MACF1: variants seen among roughly 807,000 people sequenced by gnomAD.
The protein encoded by MACF1 is microtubule actin crosslinking factor 1, also known as microtubule-actin cross-linking factor 1.
Under a neutral mutation model 854.8 loss-of-function variants are expected in MACF1, and 193 were observed. The ratio of observed to expected loss-of-function variants is 0.23; its 90% CI spans 0.20 to 0.25. The LOEUF is 0.25. Among genes scored for constraint, MACF1 ranks in the 10% least tolerant of loss-of-function variants. MACF1 has a pLI of 1.00. For missense variants in MACF1, 7,722 were observed against 8,929.1 expected (o/e 0.86, Z 5.45); for synonymous variants, 3,185 against 3,226.7 (o/e 0.99, Z 0.44).
chr1:39,233,775 C>CTTTTT (rs11286953), intron 2 of MACF1, among the ~76,000 whole-genome samples: 459 of 36,518 alleles, frequency 0.013, 18 homozygotes, highest in African/African-American at 0.028. Flanking sequence ...CTAGCCATAG[C>CTTTTT]TTTTTTTTTT....
At chr1:39,102,213 A>G (rs373836482) in intron 2 of MACF1, among the ~76,000 whole-genome samples, 6 of 114,828 alleles carry the variant, frequency 5.2e-5, no homozygotes, top group Non-Finnish European at 7.6e-5. Context: ...GAGAGAGAGA[A>G]AGAGAGAGAG....
chr1:39,387,743 C>T lies in MACF1; in HGVS notation c.14901C>T (p.Asp4967=), dbSNP rs1244190614. ...SLLEILNSAA[D]ILINSSEADE... ...TGGAAATATTGAATAGTGCTGCTGA[C>T]ATTCTGATCAATTCTTCAGAAGCAG... Residue 4967 remains aspartate (D), a synonymous_variant, in exon 58 of 101, where the codon GAC becomes GAT. Transcript: ENST00000564288. 8 of 1,614,110 alleles carry T rather than the reference C, an allele frequency of 5.0e-6. No homozygotes were observed. Among genetic ancestry groups the T allele is most frequent in the Non-Finnish European group, 5.9e-6 (7 of 1,180,008 alleles).
In MACF1 at chr1:39,287,290, A is replaced by G. The variant is rs1307803595; in HGVS notation, c.1513A>G (p.Met505Val). 6 of 1,613,688 alleles carry G rather than the reference A, an allele frequency of 3.7e-6. No homozygotes were observed. The highest frequency in any genetic ancestry group is 3.3e-5 in the Admixed American group (2 of 59,990). ...YQLEELAFRVMRLQDELVTLR... is the reference protein window; with the variant it reads ...YQLEELAFRVVRLQDELVTLR... ...TTTTCTCTTCTTCCATTTCAGGGTCATGCGTCTTCAGGATGAGCTGGTCAC... is the reference window on the plus strand; with the variant it reads ...TTTTCTCTTCTTCCATTTCAGGGTCGTGCGTCTTCAGGATGAGCTGGTCAC... Residue 505 changes from methionine to valine, a missense_variant, in exon 15 of 101, where the codon ATG (methionine) becomes GTG (valine). Around this residue, in one of 15 missense-constraint regions of MACF1, gnomAD observed 1,137 missense variants for 1,263.0 expected, o/e 0.90. Transcript: ENST00000564288.
intron 21 of MACF1, 87 bp from the exon 22 acceptor site, chr1:39,300,123 G>A (rs1646009813): frequency 1.5e-6 from 2 of 1,323,216 alleles, no homozygotes; most frequent in Admixed American, 2.0e-5. Context: ...CATTCTCTGA[G>A]GGAGTGGAGT....
At chr1:39,410,780 G>A (rs1303733247) in intron 58 of MACF1, 2 of 1,613,898 alleles carry the variant, frequency 1.2e-6, no homozygotes, top group South Asian at 1.1e-5. Flanking sequence ...AAGGAGTCCA[G>A]TTCTGCATTA....
intron 5 of MACF1, among the ~76,000 whole-genome samples, chr1:39,256,840 G>A (rs904672950): frequency 4.6e-5 from 7 of 151,304 alleles, no homozygotes; most frequent in Non-Finnish European, 1.0e-4. Flanking sequence ...CCAAAGACTG[G>A]TGAGGGAAGA....
intron 56 of MACF1, among the ~76,000 whole-genome samples, chr1:39,385,123 A>T (rs1204486533): frequency 6.6e-6 from 1 of 152,190 alleles, no homozygotes; most frequent in Non-Finnish European, 1.5e-5. Context: ...GCTGGAGTGC[A>T]GTGGTGCTGC....
rs1321106331 is a variant in MACF1, at chr1:39,385,425, C to T, written c.13849-9C>T. On this transcript the variant is annotated splice_polypyrimidine_tract_variant and intron_variant, in intron 56 of 100. Transcript: ENST00000564288. ...CTGTCTAAACATCTTGGTGTCATTTCTATTTCAGTTTATGCTAAAGGAATT... is the reference window on the plus strand; with the variant it reads ...CTGTCTAAACATCTTGGTGTCATTTTTATTTCAGTTTATGCTAAAGGAATT... The T allele has an allele frequency of 2.5e-6, 4 of 1,611,400 alleles. No homozygotes were observed. The highest frequency in any genetic ancestry group is 3.4e-6 in the Non-Finnish European group (4 of 1,178,320).
chr1:39,163,445 A>T (rs188091465), intron 2 of MACF1, among the ~76,000 whole-genome samples: 1 of 152,266 alleles, frequency 6.6e-6, no homozygotes, highest in African/African-American at 2.4e-5. Flanking sequence ...CCCAAGACAA[A>T]ATTAAACCCA....
At position 39,450,983 on chromosome 1, in the gene MACF1, C is replaced by T. The variant is rs1362129909; in HGVS notation, c.20259-69C>T. On this transcript the variant is annotated intron_variant, in intron 84 of 100. Coordinates refer to ENST00000564288, the MANE Select transcript of MACF1 (RefSeq NM_001394062.1). ...GGGTTCAAGCAATATTCCCTTTCAG[C>T]GAGGCAGAATTGTGGGCCATTTGTA... is the stretch of plus-strand genomic sequence containing the variant. 17 of 1,525,950 alleles carry T rather than the reference C, an allele frequency of 1.1e-5. No individual in the cohort carries two copies. In the African/African-American group the frequency reaches 1.5e-4, roughly 14 times the overall value. The allele number at this position is 1,525,950 out of a possible 1,614,324, so 94.5% of individuals were successfully genotyped here.
At chr1:39,165,262 C>G (rs1482589438) in intron 2 of MACF1, among the ~76,000 whole-genome samples, 1 of 152,198 alleles carries the variant, frequency 6.6e-6, no homozygotes, top group African/African-American at 2.4e-5. Flanking sequence ...GGGCGATTCT[C>G]TCCACTGCAG....
chr1:39,337,434 C>T lies in MACF1; in HGVS notation c.10215+103C>T, dbSNP rs142451883. The T allele has an allele frequency of 5.4e-5, 61 of 1,134,370 alleles. No homozygotes were observed. In the African/African-American group the frequency reaches 8.5e-4, roughly 16 times the overall value. The allele number at this position is 1,134,370 out of a possible 1,614,324, so 70.3% of individuals were successfully genotyped here. ...TACTAGAACCTGCTTGCACTCTATT[C>T]TAGGGTAAACAATCTCAGACCCTTG... On this transcript the variant is annotated intron_variant, in intron 38 of 100. Coordinates refer to ENST00000564288, the MANE Select transcript of MACF1 (RefSeq NM_001394062.1).
At chr1:39,097,457 C>T (rs973307440) in intron 2 of MACF1, among the ~76,000 whole-genome samples, 1 of 152,166 alleles carries the variant, frequency 6.6e-6, no homozygotes, top group Non-Finnish European at 1.5e-5. Context: ...CACAGTGGCT[C>T]ATGTCTCTAA....
intron 2 of MACF1, among the ~76,000 whole-genome samples, chr1:39,177,402 G>T (rs138826223): frequency 6.6e-6 from 1 of 152,142 alleles, no homozygotes; most frequent in Middle Eastern, 3.2e-3. Context: ...CATTACAGGC[G>T]TGAGCCACCT....
Position 39,287,531 on chromosome 1 carries a change from A to C in MACF1, c.1754A>C (p.Tyr585Ser). Residue 585 changes from tyrosine to serine, a missense_variant, in exon 15 of 101, where the codon TAT (tyrosine) becomes TCT (serine). Tyr to Ser is a moderately radical substitution (Grantham distance 144, BLOSUM62 -2). Coordinates refer to ENST00000564288, the MANE Select transcript of MACF1 (RefSeq NM_001394062.1). ...SEDEGNLRFVYELLSWVEEMQ... is the reference protein window; with the variant it reads ...SEDEGNLRFVSELLSWVEEMQ... ...GATGAAGGCAATCTCCGATTTGTGT[A>C]TGAACTACTGTCTTGGGTAGAAGAG... 2 of 1,614,224 alleles carry C rather than the reference A, an allele frequency of 1.2e-6. No individual in the cohort carries two copies. The highest frequency in any genetic ancestry group is 1.7e-6 in the Non-Finnish European group (2 of 1,180,040).
chr1:39,182,076 G>A (rs1285803724), intron 2 of MACF1, among the ~76,000 whole-genome samples: 7 of 151,748 alleles, frequency 4.6e-5, no homozygotes, highest in South Asian at 4.2e-4. Flanking sequence ...GCTTGAACCC[G>A]GGAGGCAGAG....
At chr1:39,450,987 G>T in intron 84 of MACF1, 65 bp from the exon 85 acceptor site, 1 of 1,547,520 alleles carries the variant, frequency 6.5e-7, no homozygotes, top group Non-Finnish European at 8.8e-7. Flanking sequence ...TTTCAGCGAG[G>T]CAGAATTGTG....
At position 39,275,421 on chromosome 1, in the gene MACF1, C is replaced by T. The variant is rs996846263; in HGVS notation, c.529-6787C>T. Among the ~76,000 whole-genome samples the T allele has an allele frequency of 6.6e-5, 10 of 152,102 alleles. No individual in the cohort carries two copies. In the East Asian group the frequency reaches 1.9e-3, roughly 29 times the overall value. ...TGAGGTCTCAGCTATGTTGCCCAGGCTAGAGAGCAGTGGCGATTCACAGGT... is the reference window on the plus strand; with the variant it reads ...TGAGGTCTCAGCTATGTTGCCCAGGTTAGAGAGCAGTGGCGATTCACAGGT... On this transcript the variant is annotated intron_variant, in intron 6 of 100. Transcript: ENST00000564288.
chr1:39,317,437 T>G (rs1269809504), intron 29 of MACF1, 30 bp downstream of exon 29: 2 of 1,604,442 alleles, frequency 1.2e-6, no homozygotes, highest in Non-Finnish European at 1.7e-6. Context: ...TTTTCTCCTA[T>G]TAGAGTTCAG....
Sources: allele counts gnomAD v4.1 joint callset (sites outside exome capture counted in the v4.1 genomes callset), GRCh38; gene constraint gnomAD v4.1.1; regional missense constraint gnomAD v4.1.1; transcripts MANE v1.5; gene names NCBI Gene and HGNC (gene_info 2026-07-23, HGNC 2026-07-21).